The following NIBAN3 variants were observed in gnomAD, a reference collection of about 807,000 sequenced individuals.
NIBAN3 encodes the protein niban apoptosis regulator 3, also known as protein Niban 3.
In NIBAN3, 66 loss-of-function variants were observed where a neutral mutation model predicts 76.4. That is an observed-to-expected ratio of 0.86 (90% CI 0.71 to 1.06). The LOEUF is 1.06. NIBAN3 is among the 50% of genes least tolerant of loss of function. NIBAN3 has a pLI of 0.00. For missense variants in NIBAN3, 808 were observed against 810.7 expected (o/e 1.00, Z 0.04); for synonymous variants, 360 against 355.2 (o/e 1.01, Z -0.15).
chr19:17,533,362 A>T (rs1443813012), intron 3 of NIBAN3: 1 of 448,732 alleles, frequency 2.2e-6, no homozygotes, highest in Non-Finnish European at 4.0e-6. Context: ...GTGAGCTGAG[A>T]TCGCGCCATC....
chr19:17,554,302 A>G (rs2144807001), downstream of NIBAN3, among the ~76,000 whole-genome samples: 1 of 152,112 alleles, frequency 6.6e-6, no homozygotes, highest in Admixed American at 6.6e-5. Context: ...CAACATAGCG[A>G]GACTCCATCT....
chr19:17,533,486 A>T, intron 3 of NIBAN3, 101 bp from the exon 4 acceptor site: 1 of 711,794 alleles, frequency 1.4e-6, no homozygotes, highest in Non-Finnish European at 2.4e-6. Flanking sequence ...GGGGCAGAGG[A>T]TTTTTCAGCT....
At chr19:17,532,952 T>C (rs2075756710) in intron 3 of NIBAN3, among the ~76,000 whole-genome samples, 2 of 148,114 alleles carry the variant, frequency 1.4e-5, no homozygotes, top group African/African-American at 5.0e-5. Flanking sequence ...AGAGGTAGGA[T>C]GGATGGAGGG....
At chr19:17,548,261 G>A (rs986153397) in intron 13 of NIBAN3, among the ~76,000 whole-genome samples, 3 of 152,208 alleles carry the variant, frequency 2.0e-5, no homozygotes, top group Non-Finnish European at 2.9e-5. Flanking sequence ...GGCACGGAGC[G>A]GGAGGCTGGA....
At chr19:17,540,927 G>A (rs1271847271) in intron 9 of NIBAN3, among the ~76,000 whole-genome samples, 3 of 152,126 alleles carry the variant, frequency 2.0e-5, no homozygotes, top group Non-Finnish European at 4.4e-5. Context: ...TAGAGATGGG[G>A]GTCTTGCTTT....
chr19:17,530,493 A>G (rs1284665637), intron 1 of NIBAN3, among the ~76,000 whole-genome samples: 1 of 141,250 alleles, frequency 7.1e-6, no homozygotes, highest in Non-Finnish European at 1.5e-5. Flanking sequence ...AGATCGTGCC[A>G]CTGCACTTCA....
intron 12 of NIBAN3, chr19:17,545,909 C>T (rs2076045515): frequency 9.3e-6 from 4 of 428,236 alleles, no homozygotes; most frequent in African/African-American, 8.1e-5. Flanking sequence ...CTTCTCTAAA[C>T]TCCCCCGGAG....
chr19:17,539,512 C>A (rs2075898070), intron 7 of NIBAN3, 61 bp downstream of exon 7: 4 of 1,460,284 alleles, frequency 2.7e-6, no homozygotes, highest in Non-Finnish European at 3.6e-6. Context: ...GTTCCCCTCC[C>A]ACGACTGTCG....
chr19:17,525,138 C>T (rs1044322474), upstream of NIBAN3, among the ~76,000 whole-genome samples: 3 of 152,182 alleles, frequency 2.0e-5, no homozygotes, highest in Non-Finnish European at 4.4e-5. Context: ...TTCCTTCCTC[C>T]AGCCTGGAGC....
rs779866173 is a variant in NIBAN3 at position 17,537,425 on chromosome 19, C to A, written c.477C>A (p.Ser159Arg). ...EPDSLLEVPV[S>R]FPLFLQHPFR... ...ACTCCCTCTTGGAAGTGCCTGTGAG[C>A]TTCCCGCTGTTCCTGCAGCACCCCT... is the stretch of plus-strand genomic sequence containing the variant. Residue 159 changes from serine (S) to arginine (R), a missense_variant, in exon 5 of 15, where the codon AGC (serine) becomes AGA (arginine). Transcript: ENST00000599164. The A allele has an allele frequency of 3.1e-6, 5 of 1,614,174 alleles. No homozygotes were observed. The highest frequency in any genetic ancestry group is 4.2e-6 in the Non-Finnish European group (5 of 1,180,030).
Position 17,552,039 on chromosome 19 carries a change from G to T in NIBAN3, c.*141G>T. 2.2e-6 allele frequency: 1 copy of T among 456,600 alleles called. No individual in the cohort carries two copies. Among genetic ancestry groups the T allele is most frequent in the Non-Finnish European group, 3.9e-6 (1 of 253,384 alleles). The allele number at this position is 456,600 out of a possible 1,614,324, so 28.3% of individuals were successfully genotyped here. A position where few individuals can be genotyped will look rare whatever the true frequency, so the allele number is the denominator to read the frequency against. ...GTACCATTTTATACTCCAAGCAGCA[G>T]CATTTATTTGTGTATTTTCCCCAAG... On this transcript the variant is annotated 3_prime_UTR_variant, in exon 15 of 15. Transcript: ENST00000599164.
At chr19:17,536,761 G>T (rs2075831738) in intron 4 of NIBAN3, among the ~76,000 whole-genome samples, 1 of 152,030 alleles carries the variant, frequency 6.6e-6, no homozygotes, top group African/African-American at 2.4e-5. Context: ...ATAATTCTAG[G>T]TCATCGGTAT....
At chr19:17,536,835 G>A (rs949484206) in intron 4 of NIBAN3, among the ~76,000 whole-genome samples, 1 of 152,124 alleles carries the variant, frequency 6.6e-6, no homozygotes, top group African/African-American at 2.4e-5. Flanking sequence ...TAGTCATAGA[G>A]CTAGAAAGTA....
At position 17,542,190 on chromosome 19, in the gene NIBAN3, C is replaced by G. The variant is rs745346670; in HGVS notation, c.1225C>G (p.Arg409Gly). Reference sequence around the variant, plus strand: ...CTTGGCGCTGATGCAGACATGCTACCGTGAGGCCGAGCGGAGCCGGGGGCG... The same window carrying G: ...CTTGGCGCTGATGCAGACATGCTACGGTGAGGCCGAGCGGAGCCGGGGGCG... ...WDLALMQTCY[R>G]EAERSRGRLG... Residue 409 changes from arginine (R) to glycine (G), a missense_variant, in exon 10 of 15, where the codon CGT (arginine) becomes GGT (glycine). Arg to Gly is a moderately radical substitution (Grantham distance 125, BLOSUM62 -2). Coordinates refer to ENST00000599164, the MANE Select transcript of NIBAN3 (RefSeq NM_001321827.2). The surrounding 1 kb of genome is among the most constrained non-coding windows in gnomAD (Gnocchi z 4.8). 6.2e-7 allele frequency: 1 copy of G among 1,614,110 alleles called. No individual in the cohort carries two copies. Among genetic ancestry groups the G allele is most frequent in the South Asian group, 1.1e-5 (1 of 91,080 alleles).
chr19:17,546,642 G>C, intron 12 of NIBAN3, 44 bp from the exon 13 acceptor site: 1 of 1,481,846 alleles, frequency 6.7e-7, no homozygotes, highest in Non-Finnish European at 9.0e-7. Flanking sequence ...GCCTCTAGAG[G>C]GGCCCTCCTC....
intron 12 of NIBAN3, chr19:17,544,040 AC>A (rs2076006253): frequency 5.9e-6 from 1 of 170,432 alleles, no homozygotes; most frequent in African/African-American, 2.4e-5. Flanking sequence ...AGACCATTTG[AC>A]CTTAATCCTA....
intron 5 of NIBAN3, 60 bp downstream of exon 5, chr19:17,537,603 G>C (rs150335125): frequency 1.4e-6 from 2 of 1,471,950 alleles, no homozygotes; most frequent in Middle Eastern, 5.1e-4. Flanking sequence ...AGATGGCTCA[G>C]CCTCTGTTGG....
chr19:17,528,554 T>C (rs1389992045), intron 1 of NIBAN3, among the ~76,000 whole-genome samples: 1 of 152,102 alleles, frequency 6.6e-6, no homozygotes, highest in Non-Finnish European at 1.5e-5. Flanking sequence ...GGTAGGACCC[T>C]GGGGATGGAG....
chr19:17,534,562 C>T (rs1274957066), intron 4 of NIBAN3, among the ~76,000 whole-genome samples: 8 of 152,026 alleles, frequency 5.3e-5, no homozygotes, highest in Non-Finnish European at 1.0e-4. Flanking sequence ...GAGGCTGAGG[C>T]GGGCAGATCA....
Sources: allele counts gnomAD v4.1 joint callset (sites outside exome capture counted in the v4.1 genomes callset), GRCh38; gene constraint gnomAD v4.1.1; non-coding constraint Gnocchi (gnomAD v3.1); transcripts MANE v1.5; gene names NCBI Gene and HGNC (gene_info 2026-07-23, HGNC 2026-07-21).